The following AUTS2 variants were observed in gnomAD, a reference collection of about 807,000 sequenced individuals.
AUTS2 encodes autism susceptibility gene 2 protein.
In AUTS2, 17 loss-of-function variants were observed where a neutral mutation model predicts 112.4. The observed-to-expected ratio is 0.15, with a 90% CI of 0.10 to 0.23. The LOEUF is 0.23. Among genes scored for constraint, AUTS2 ranks in the 10% least tolerant of loss-of-function variants. The pLI, the probability that AUTS2 is intolerant of heterozygous loss-of-function variation, is 1.00. For missense variants in AUTS2, 1,510 were observed against 1,701.6 expected (o/e 0.89, Z 1.98); for synonymous variants, 751 against 702.7 (o/e 1.07, Z -1.09).
intron 5 of AUTS2, among the ~76,000 whole-genome samples, chr7:70,680,433 A>G (rs1286358723): frequency 6.6e-6 from 1 of 152,164 alleles, no homozygotes; most frequent in African/African-American, 2.4e-5. Context: ...TCAGCACCTC[A>G]TCTTCCCTGT....
At chr7:70,390,647 C>A (rs1793809415) in intron 4 of AUTS2, among the ~76,000 whole-genome samples, 1 of 151,868 alleles carries the variant, frequency 6.6e-6, no homozygotes, top group African/African-American at 2.4e-5. Flanking sequence ...TTTTAAGATG[C>A]ATTCATTCTG....
chr7:69,708,728 A>G (rs1470961639), intron 1 of AUTS2, among the ~76,000 whole-genome samples: 2 of 152,194 alleles, frequency 1.3e-5, no homozygotes, highest in Non-Finnish European at 2.9e-5. Context: ...ATACTATGAG[A>G]TAATGAAGAA....
chr7:69,800,955 T>C (rs1400699991), intron 1 of AUTS2, among the ~76,000 whole-genome samples: 1 of 152,138 alleles, frequency 6.6e-6, no homozygotes, highest in Non-Finnish European at 1.5e-5. Context: ...AAATAACACT[T>C]CTTTCACCTT....
chr7:70,151,693 C>G (rs1178806080), intron 4 of AUTS2, among the ~76,000 whole-genome samples: 2 of 152,122 alleles, frequency 1.3e-5, no homozygotes, highest in Non-Finnish European at 2.9e-5. Flanking sequence ...CTCAGATGAT[C>G]TACCCACCTT....
At chr7:69,696,274 A>G (rs1797558704) in intron 1 of AUTS2, among the ~76,000 whole-genome samples, 1 of 152,122 alleles carries the variant, frequency 6.6e-6, no homozygotes, top group Admixed American at 6.5e-5. Context: ...CCTCAGGGAA[A>G]GGCCAAGAGA....
At chr7:70,711,538 C>T (rs1040889373) in intron 6 of AUTS2, among the ~76,000 whole-genome samples, 8 of 152,180 alleles carry the variant, frequency 5.3e-5, no homozygotes, top group African/African-American at 1.4e-4. Flanking sequence ...CCCTGGGCGC[C>T]GAGCAGCTGC....
chr7:70,036,888 G>A (rs1310441843), intron 2 of AUTS2, among the ~76,000 whole-genome samples: 1 of 152,160 alleles, frequency 6.6e-6, no homozygotes, highest in Non-Finnish European at 1.5e-5. Flanking sequence ...GATGTAGAGG[G>A]ACAAAGGATG....
intron 1 of AUTS2, among the ~76,000 whole-genome samples, chr7:69,776,634 G>A (rs761476846): frequency 2.6e-5 from 4 of 152,100 alleles, no homozygotes; most frequent in Non-Finnish European, 5.9e-5. Context: ...TCCCAGGCTG[G>A]TCTTGAACTC....
chr7:69,987,442 T>A (rs1014445739), intron 2 of AUTS2, among the ~76,000 whole-genome samples: 1 of 152,168 alleles, frequency 6.6e-6, no homozygotes, highest in Admixed American at 6.6e-5. Context: ...ATATTGTAAT[T>A]ATGGAGGACA....
rs10684332 is a variant in AUTS2, at chr7:69,730,019, T to TTTTTTTTTTTTTTTA, written c.309+130057_309+130058insTTTTTTTTTTTTTTA. Among the ~76,000 whole-genome samples the TTTTTTTTTTTTTTTA allele has an allele frequency of 2.8e-4, 37 of 132,072 alleles. 2 individuals carry two copies. Among genetic ancestry groups the TTTTTTTTTTTTTTTA allele is most frequent in the African/African-American group, 6.2e-4 (20 of 32,094 alleles). The allele number at this position is 132,072 out of a possible 152,430, so 86.6% of individuals were successfully genotyped here. A position where few individuals can be genotyped will look rare whatever the true frequency, so the allele number is the denominator to read the frequency against. On this transcript the variant is annotated intron_variant, in intron 1 of 18. Transcript: ENST00000342771. ...ATTTTTTTTTTTTTTTTTTTTTTTT[T>TTTTTTTTTTTTTTTA]AGAAACTAGGTCTTCCTAAGTAAGT...
chr7:69,901,221 G>A (rs1177262433), intron 2 of AUTS2, among the ~76,000 whole-genome samples: 1 of 152,136 alleles, frequency 6.6e-6, no homozygotes, highest in South Asian at 2.1e-4. Context: ...CTCTGTGTGA[G>A]ATATGTGAGA....
intron 4 of AUTS2, among the ~76,000 whole-genome samples, chr7:70,360,248 C>T (rs753811335): frequency 6.6e-6 from 1 of 152,176 alleles, no homozygotes; most frequent in Non-Finnish European, 1.5e-5. Context: ...TCACTTCAGC[C>T]TCCTGAGTAG....
At chr7:69,980,139 C>T (rs1798235921) in intron 2 of AUTS2, among the ~76,000 whole-genome samples, 1 of 152,154 alleles carries the variant, frequency 6.6e-6, no homozygotes, top group Non-Finnish European at 1.5e-5. Context: ...TGGAGTCTCT[C>T]ACTCTGTCGC....
intron 4 of AUTS2, among the ~76,000 whole-genome samples, chr7:70,137,117 A>G (rs1806606857): frequency 1.3e-5 from 2 of 152,234 alleles, no homozygotes; most frequent in Non-Finnish European, 2.9e-5. Flanking sequence ...TTTGTGTTCC[A>G]AAGATGTCTG....
chr7:70,137,272 A>G (rs537814679), intron 4 of AUTS2, among the ~76,000 whole-genome samples: 1 of 152,284 alleles, frequency 6.6e-6, no homozygotes, highest in East Asian at 1.9e-4. Context: ...AACTTTCTAC[A>G]TTTTTGGGAG....
At chr7:70,386,800 C>A (rs17455954) in intron 4 of AUTS2, among the ~76,000 whole-genome samples, 30 of 152,110 alleles carry the variant, frequency 2.0e-4, no homozygotes, top group Non-Finnish European at 8.8e-5. Context: ...CTCATCATTT[C>A]ACCAACACTC....
At chr7:70,341,728 G>A (rs1024060559) in intron 4 of AUTS2, among the ~76,000 whole-genome samples, 2 of 152,170 alleles carry the variant, frequency 1.3e-5, no homozygotes, top group Admixed American at 6.5e-5. Context: ...CTTTCAGATT[G>A]GATCTTAGGA....
At chr7:70,131,129 A>T (rs544173988) in intron 3 of AUTS2, among the ~76,000 whole-genome samples, 1 of 152,228 alleles carries the variant, frequency 6.6e-6, no homozygotes, top group African/African-American at 2.4e-5. Flanking sequence ...TCCAAGCAAA[A>T]AAATGGAAGT....
At chr7:70,186,988 G>A (rs1487730432) in intron 4 of AUTS2, among the ~76,000 whole-genome samples, 1 of 152,228 alleles carries the variant, frequency 6.6e-6, no homozygotes, top group Non-Finnish European at 1.5e-5. Context: ...CTTGCCCAAA[G>A]TTAGGTAGCT....
Sources: gnomAD v4.1 joint callset for allele counts (sites outside exome capture counted in the v4.1 genomes callset) on GRCh38, gnomAD v4.1.1 for gene constraint, MANE v1.5 for transcripts, NCBI Gene and HGNC (gene_info 2026-07-23, HGNC 2026-07-21) for gene names.